The following ZMAT5 variants were observed in gnomAD, a reference collection of about 807,000 sequenced individuals.
The protein encoded by ZMAT5 is zinc finger matrin-type 5.
ZMAT5 carries 23 observed loss-of-function variants against 28.0 expected under a neutral mutation model. The observed-to-expected ratio is 0.82, with a 90% confidence interval of 0.59 to 1.16. The LOEUF (loss-of-function observed/expected upper bound fraction) is 1.16, where lower values mean the gene tolerates loss of function less well. Among genes scored for constraint, ZMAT5 ranks in the 50% most tolerant of loss-of-function variants. The pLI, the probability that ZMAT5 is intolerant of heterozygous loss-of-function variation, is 0.00. For missense variants in ZMAT5, 173 were observed against 212.7 expected, an observed-to-expected ratio of 0.81 and a Z score of 1.16; for synonymous variants, 76 against 84.1, an observed-to-expected ratio of 0.90 and a Z score of 0.52.
chr22:29,732,252 C>T (rs961216267), intron 5 of ZMAT5, among the ~76,000 whole-genome samples: 2 of 152,228 alleles, frequency 1.3e-5, no homozygotes, highest in Admixed American at 6.5e-5. Context: ...CTCCCATCAC[C>T]CCAGCTGCCT....
intron 1 of ZMAT5, among the ~76,000 whole-genome samples, 156 bp from the exon 2 acceptor site, chr22:29,748,727 G>A (rs975325160): frequency 7.2e-5 from 11 of 152,238 alleles, no homozygotes; most frequent in African/African-American, 2.4e-4. Flanking sequence ...TGGCCTAAGA[G>A]GCCTCATTCC....
chr22:29,738,225 T>C, intron 5 of ZMAT5, 105 bp downstream of exon 5: 1 of 1,137,316 alleles, frequency 8.8e-7, no homozygotes, highest in Admixed American at 2.1e-5. Context: ...ATTCGGCCCC[T>C]GGGCCTGGGC....
At chr22:29,732,968 T>C (rs1276125058) in intron 5 of ZMAT5, among the ~76,000 whole-genome samples, 1 of 152,104 alleles carries the variant, frequency 6.6e-6, no homozygotes, top group African/African-American at 2.4e-5. Context: ...CAAACAGCAA[T>C]GCTGAAAGAT....
At chr22:29,764,527 T>C (rs1285719014) in intron 1 of ZMAT5, among the ~76,000 whole-genome samples, 2 of 152,258 alleles carry the variant, frequency 1.3e-5, no homozygotes, top group East Asian at 3.9e-4. Flanking sequence ...TTTGTTTTCA[T>C]TTGAGCTCCA....
intron 1 of ZMAT5, among the ~76,000 whole-genome samples, chr22:29,760,788 A>C (rs1372811325): frequency 6.6e-6 from 1 of 152,200 alleles, no homozygotes; most frequent in Non-Finnish European, 1.5e-5. Context: ...ACCTCAGGTC[A>C]CTGAAGTGGT....
At chr22:29,763,346 G>T (rs1264755204) in intron 1 of ZMAT5, among the ~76,000 whole-genome samples, 1 of 146,188 alleles carries the variant, frequency 6.8e-6, no homozygotes, top group Non-Finnish European at 1.5e-5. Flanking sequence ...GCTCACACCT[G>T]TAATCCCAGG....
chr22:29,731,161 C>G lies in ZMAT5; in HGVS notation c.*64G>C. 7.0e-7 allele frequency: 1 copy of G among 1,433,822 alleles called. No homozygotes were observed. The highest frequency in any genetic ancestry group is 2.8e-5 in the East Asian group (1 of 36,298). The allele number at this position is 1,433,822 out of a possible 1,614,324, so 88.8% of individuals were successfully genotyped here. Reference sequence around the variant, plus strand: ...TCCATGGGGCGTAGCAGGAACCGGGCTTGGCTTCCTATTGTGACTGATGAG... The same window carrying G: ...TCCATGGGGCGTAGCAGGAACCGGGGTTGGCTTCCTATTGTGACTGATGAG... On this transcript the variant is annotated 3_prime_UTR_variant, in exon 6 of 6. Coordinates refer to ENST00000344318, the MANE Select transcript of ZMAT5 (RefSeq NM_001003692.2).
intron 1 of ZMAT5, among the ~76,000 whole-genome samples, chr22:29,764,758 C>T (rs8142292): frequency 0.092 from 14,031 of 152,152 alleles, 994 homozygotes; most frequent in South Asian, 0.26. Flanking sequence ...CCACCTTAGC[C>T]TCCCAAAGTG....
chr22:29,761,368 G>A (rs2068155927), intron 1 of ZMAT5, among the ~76,000 whole-genome samples: 1 of 151,980 alleles, frequency 6.6e-6, no homozygotes, highest in South Asian at 2.1e-4. Context: ...CTTGAGCCCA[G>A]GAGTTCAAAA....
chr22:29,738,474 G>C, intron 4 of ZMAT5, 33 bp from the exon 5 acceptor site: 1 of 1,580,464 alleles, frequency 6.3e-7, no homozygotes, highest in Non-Finnish European at 8.6e-7. Context: ...GCAAGTGAGG[G>C]GTACACTCCT....
intron 1 of ZMAT5, among the ~76,000 whole-genome samples, chr22:29,754,689 G>C (rs1410922962): frequency 6.6e-6 from 1 of 152,010 alleles, no homozygotes; most frequent in Non-Finnish European, 1.5e-5. Flanking sequence ...TGGACAACAT[G>C]GGCAGACCCC....
intron 5 of ZMAT5, among the ~76,000 whole-genome samples, chr22:29,733,981 G>A (rs1366501149): frequency 6.6e-6 from 1 of 152,218 alleles, no homozygotes; most frequent in Non-Finnish European, 1.5e-5. Flanking sequence ...TTTGTCCTGT[G>A]CGTGAGGACA....
chr22:29,762,607 C>T (rs1049310711), intron 1 of ZMAT5, among the ~76,000 whole-genome samples: 4 of 152,340 alleles, frequency 2.6e-5, no homozygotes, highest in African/African-American at 9.6e-5. Flanking sequence ...GTTGATCTGT[C>T]ACTGTCTCCC....
chr22:29,742,494 G>A lies in ZMAT5; in HGVS notation c.128-14C>T. On this transcript the variant is annotated splice_polypyrimidine_tract_variant and intron_variant, in intron 2 of 5. Coordinates refer to ENST00000344318, the MANE Select transcript of ZMAT5 (RefSeq NM_001003692.2). ...TGGCAGCTGCATCTGCGAGAGAAGA[G>A]AGGGACGGGATTCGGATGGTTCAGG... 6.2e-7 allele frequency: 1 copy of A among 1,611,762 alleles called. No homozygotes were observed. Among genetic ancestry groups the A allele is most frequent in the Non-Finnish European group, 8.5e-7 (1 of 1,179,790 alleles).
intron 4 of ZMAT5, among the ~76,000 whole-genome samples, chr22:29,740,360 G>A (rs2067949968): frequency 6.6e-6 from 1 of 152,144 alleles, no homozygotes; most frequent in Admixed American, 6.5e-5. Flanking sequence ...ACCAATGACT[G>A]CTGGGCTGGC....
intron 2 of ZMAT5, among the ~76,000 whole-genome samples, chr22:29,744,865 C>T (rs373178031): frequency 6.6e-6 from 1 of 152,298 alleles, no homozygotes; most frequent in East Asian, 1.9e-4. Context: ...GGTTGAGAAC[C>T]CCTGGCCCAG....
At chr22:29,761,300 A>C (rs2068155324) in intron 1 of ZMAT5, among the ~76,000 whole-genome samples, 1 of 128,542 alleles carries the variant, frequency 7.8e-6, no homozygotes, top group South Asian at 2.6e-4. Flanking sequence ...AAATAGCTGT[A>C]GACAGGGCAT....
rs138809741 is a variant in ZMAT5, at chr22:29,766,585, C to T, written c.-28+287G>A. On this transcript the variant is annotated intron_variant, in intron 1 of 5. Coordinates refer to ENST00000344318, the MANE Select transcript of ZMAT5 (RefSeq NM_001003692.2). ...AGCCCTTGCTCTTTTCAATCCCAAG[C>T]AGGTTCCAAGTCTCCAGCCTTCCAA... is the stretch of plus-strand genomic sequence containing the variant. 2.4e-3 allele frequency among the ~76,000 whole-genome samples: 371 copies of T among 152,364 alleles called. 2 individuals carry two copies. The highest frequency in any genetic ancestry group is 6.1e-3 in the Admixed American group (93 of 15,300).
chr22:29,755,857 G>A (rs905499529), intron 1 of ZMAT5, among the ~76,000 whole-genome samples: 2 of 152,178 alleles, frequency 1.3e-5, no homozygotes, highest in African/African-American at 4.8e-5. Context: ...GTGAAGCCAC[G>A]TGCCTAAGGC....
Sources: allele counts gnomAD v4.1 joint callset (sites outside exome capture counted in the v4.1 genomes callset), GRCh38; gene constraint gnomAD v4.1.1; transcripts MANE v1.5; gene names NCBI Gene and HGNC (gene_info 2026-07-23, HGNC 2026-07-21).